The following NME9 variants were observed in gnomAD, a reference collection of about 807,000 sequenced individuals.
The protein encoded by NME9 is NME/NM23 family member 9, also known as thioredoxin domain-containing protein 6.
A neutral mutation model predicts 44.4 loss-of-function variants in NME9; 48 were observed. The observed-to-expected ratio is 1.08, with a 90% confidence interval of 0.86 to 1.37. The LOEUF (loss-of-function observed/expected upper bound fraction) is 1.37, where lower values mean the gene tolerates loss of function less well. Among genes scored for constraint, NME9 ranks in the 40% most tolerant of loss-of-function variants. The probability of loss-of-function intolerance (pLI) is 0.00; values close to 1 mark genes in which losing one functional copy is unlikely to be tolerated. For missense variants in NME9, 325 were observed against 405.2 expected (o/e 0.80, Z 1.70); for synonymous variants, 139 against 147.1 (o/e 0.94, Z 0.40).
intron 8 of NME9, among the ~76,000 whole-genome samples, chr3:138,293,252 A>G (rs956320479): frequency 1.3e-5 from 2 of 152,146 alleles, no homozygotes; most frequent in Non-Finnish European, 2.9e-5. Context: ...GCTAAAGAAG[A>G]ATAACTAGGC....
At chr3:138,287,513 T>C (rs1389185138) in intron 8 of NME9, 1 of 381,386 alleles carries the variant, frequency 2.6e-6, no homozygotes, top group Non-Finnish European at 5.4e-6. Context: ...GAATGATGAA[T>C]AAACTTATGC....
chr3:138,301,682 C>T lies in NME9; in HGVS notation c.951G>A (p.Ala317=), dbSNP rs1057114228. Residue 317 remains alanine (A), a synonymous_variant, in exon 11 of 11, where the codon GCG becomes GCA. Coordinates refer to ENST00000333911, the MANE Select transcript of NME9 (RefSeq NM_001349018.2). ...GAAAGCAAAGCGCCTCAGTGGGCCC[C>T]GCTGTTGCTTCAGCCTCACCGCCTG... The part of the protein sequence containing the change: ...APQGGEAEAT[A]GPTEALCFPE... The T allele has an allele frequency of 2.8e-5, 43 of 1,535,956 alleles. No individual in the cohort carries two copies. Among genetic ancestry groups the T allele is most frequent in the African/African-American group, 2.2e-4 (16 of 73,030 alleles).
In NME9 at chr3:138,318,157, C is replaced by T. The variant is rs754620660; in HGVS notation, c.258G>A (p.Leu86=). 6 of 1,603,606 alleles carry T rather than the reference C, an allele frequency of 3.7e-6. No individual in the cohort carries two copies. In the Admixed American group the frequency reaches 8.3e-5, roughly 22 times the overall value. ...CTGAAAATGTACTTACTGCATAAAA[C>T]AGAAAGGTTGGCTCGCACTTCCCTC... ...KYRGKCEPTF[L]FYAGGELVAV... is the part of the protein sequence containing the mutation. The change falls in exon 4 of 11, where the codon CTG becomes CTA. Residue 86 remains leucine (L), a synonymous_variant. Coordinates refer to ENST00000333911, the MANE Select transcript of NME9 (RefSeq NM_001349018.2).
intron 2 of NME9, chr3:138,324,421 T>C (rs1407153774): frequency 8.8e-6 from 4 of 455,868 alleles, no homozygotes; most frequent in African/African-American, 8.0e-5. Context: ...AATTGCTAAG[T>C]GCAACAAATA....
intron 8 of NME9, among the ~76,000 whole-genome samples, chr3:138,275,635 G>GAT (rs1181990951): frequency 2.0e-5 from 3 of 152,094 alleles, no homozygotes; most frequent in Non-Finnish European, 4.4e-5. Context: ...GTCATCAGTA[G>GAT]AGAGTTGGAC....
At chr3:138,295,746 C>A (rs2051428301) in intron 8 of NME9, 1 of 1,221,186 alleles carries the variant, frequency 8.2e-7, no homozygotes, top group Admixed American at 2.1e-5. Flanking sequence ...CACCCCAATT[C>A]CCTCTGGAGA....
At chr3:138,288,787 G>A (rs866624195) in intron 8 of NME9, among the ~76,000 whole-genome samples, 4 of 151,920 alleles carry the variant, frequency 2.6e-5, no homozygotes, top group Admixed American at 6.5e-5. Flanking sequence ...ACAGGCGCCC[G>A]CCACTACACC....
chr3:138,317,743 G>A (rs2053184803), intron 4 of NME9, among the ~76,000 whole-genome samples: 1 of 152,216 alleles, frequency 6.6e-6, no homozygotes, highest in Non-Finnish European at 1.5e-5. Context: ...TGTGCTCTGA[G>A]AGTGAAGCCT....
intron 8 of NME9, chr3:138,295,998 C>T (rs376993430): frequency 7.2e-6 from 9 of 1,249,182 alleles, no homozygotes; most frequent in South Asian, 2.9e-5. Flanking sequence ...CCTTGGACTG[C>T]AGGGAGCTGT....
chr3:138,324,986 T>C, intron 1 of NME9, 56 bp from the exon 2 acceptor site: 1 of 1,365,986 alleles, frequency 7.3e-7, no homozygotes, highest in African/African-American at 1.4e-5. Flanking sequence ...AGGGAAACAA[T>C]TCAATCTATT....
intron 8 of NME9, among the ~76,000 whole-genome samples, chr3:138,269,820 CTTT>C (rs77095833): frequency 8.2e-6 from 1 of 121,662 alleles, no homozygotes; most frequent in Non-Finnish European, 1.7e-5. Context: ...TGTTTTCTTT[CTTT>C]TTTTTTTTTT....
intron 2 of NME9, among the ~76,000 whole-genome samples, chr3:138,323,280 A>T (rs976535982): frequency 6.6e-6 from 1 of 152,150 alleles, no homozygotes; most frequent in Non-Finnish European, 1.5e-5. Flanking sequence ...GCTGGGTGTG[A>T]TAGAATGTGC....
chr3:138,284,214 A>G (rs1310816364), intron 8 of NME9, among the ~76,000 whole-genome samples: 1 of 152,188 alleles, frequency 6.6e-6, no homozygotes, highest in African/African-American at 2.4e-5. Flanking sequence ...GGAAGAAACC[A>G]CCAAAGTGTT....
chr3:138,287,791 A>G (rs2050571173), intron 8 of NME9: 2 of 406,052 alleles, frequency 4.9e-6, no homozygotes, highest in Non-Finnish European at 1.0e-5. Flanking sequence ...TAGCCTTGAA[A>G]AAACCATTGA....
intron 8 of NME9, among the ~76,000 whole-genome samples, chr3:138,277,139 T>G (rs2049373890): frequency 6.6e-6 from 1 of 152,092 alleles, no homozygotes; most frequent in Non-Finnish European, 1.5e-5. Flanking sequence ...ATATGGCCAG[T>G]AGATTATTGA....
intron 8 of NME9, among the ~76,000 whole-genome samples, chr3:138,269,535 T>G (rs973175000): frequency 2.6e-5 from 4 of 152,214 alleles, no homozygotes; most frequent in African/African-American, 7.2e-5. Context: ...GCAGCATGTT[T>G]GGAATAAGAC....
intron 8 of NME9, among the ~76,000 whole-genome samples, chr3:138,277,084 C>T (rs1022245803): frequency 3.3e-5 from 5 of 152,178 alleles, no homozygotes; most frequent in South Asian, 2.1e-4. Context: ...TAGCACATAT[C>T]GACCAATGGA....
chr3:138,319,394 C>G lies in NME9; in HGVS notation c.195+84G>C. 3.8e-6 allele frequency: 3 copies of G among 782,346 alleles called. No homozygotes were observed. In the South Asian group the frequency reaches 4.6e-5, roughly 12 times the overall value. 48.5% of individuals were successfully genotyped at this position (782,346 alleles called of 1,614,324 possible). ...TTTTAATGACCTGAGAAAGGTCACT[C>G]TCACACTTCTCCTTCCTGACTCTTT... On this transcript the variant is annotated intron_variant, in intron 3 of 10. Transcript: ENST00000333911.
chr3:138,288,984 C>CAA, intron 8 of NME9: 3 of 1,353,072 alleles, frequency 2.2e-6, no homozygotes, highest in East Asian at 2.5e-5. Context: ...TAGGTCCCCC[C>CAA]AAAAAAAAAT....
Sources: gnomAD v4.1 joint callset for allele counts (sites outside exome capture counted in the v4.1 genomes callset) on GRCh38, gnomAD v4.1.1 for gene constraint, MANE v1.5 for transcripts, NCBI Gene and HGNC (gene_info 2026-07-23, HGNC 2026-07-21) for gene names.